KCNB2: variants seen among roughly 807,000 people sequenced by gnomAD.
KCNB2 encodes the protein delayed rectifier potassium channel protein.
KCNB2 carries 15 observed loss-of-function variants against 61.5 expected under a neutral mutation model. That is an observed-to-expected ratio of 0.24 (90% CI 0.16 to 0.38). KCNB2 has a LOEUF of 0.38. Among genes scored for constraint, KCNB2 ranks in the 10% least tolerant of loss-of-function variants. The probability of loss-of-function intolerance (pLI) is 1.00; values close to 1 mark genes in which losing one functional copy is unlikely to be tolerated. For missense variants in KCNB2, 828 were observed against 1,125.2 expected (o/e 0.74, Z 3.78); for synonymous variants, 457 against 446.0 (o/e 1.02, Z -0.31).
intron 1 of KCNB2, among the ~76,000 whole-genome samples, chr8:72,560,204 A>C (rs1264058004): frequency 1.3e-5 from 2 of 152,210 alleles, no homozygotes; most frequent in Non-Finnish European, 2.9e-5. Flanking sequence ...TTACTACTAA[A>C]CATTTCAGAC....
At chr8:72,793,374 A>G (rs576876699) in intron 2 of KCNB2, among the ~76,000 whole-genome samples, 36 of 152,228 alleles carry the variant, frequency 2.4e-4, no homozygotes, top group Non-Finnish European at 2.8e-4. Context: ...AATTGAGCCA[A>G]GAAACAAATG....
At chr8:72,743,538 A>G (rs959598301) in intron 2 of KCNB2, among the ~76,000 whole-genome samples, 6 of 152,354 alleles carry the variant, frequency 3.9e-5, no homozygotes, top group Admixed American at 3.9e-4. Flanking sequence ...GATCGCAGCT[A>G]GTTAAATTTA....
At chr8:72,713,682 A>G (rs1172388034) in intron 2 of KCNB2, among the ~76,000 whole-genome samples, 1 of 152,166 alleles carries the variant, frequency 6.6e-6, no homozygotes, top group Non-Finnish European at 1.5e-5. Flanking sequence ...TCAAAGACCA[A>G]AGGTAGATAA....
At chr8:72,847,012 G>A (rs1365271989) in intron 2 of KCNB2, among the ~76,000 whole-genome samples, 2 of 152,138 alleles carry the variant, frequency 1.3e-5, no homozygotes, top group African/African-American at 4.8e-5. Context: ...CAACCCAAAT[G>A]TCCATCAATG....
At chr8:72,902,707 C>A (rs1160369642) in intron 2 of KCNB2, among the ~76,000 whole-genome samples, 1 of 152,084 alleles carries the variant, frequency 6.6e-6, no homozygotes, top group African/African-American at 2.4e-5. Context: ...GGGACTTATT[C>A]AGCTTTTAGG....
intron 2 of KCNB2, among the ~76,000 whole-genome samples, chr8:72,887,620 G>T (rs1805828219): frequency 6.6e-6 from 1 of 152,218 alleles, no homozygotes; most frequent in South Asian, 2.1e-4. Context: ...CAGTTTCTCA[G>T]GAGAAGGCTT....
intron 2 of KCNB2, among the ~76,000 whole-genome samples, chr8:72,765,547 TTG>T (rs965708759): frequency 2.0e-5 from 3 of 152,204 alleles, no homozygotes; most frequent in Non-Finnish European, 4.4e-5. Context: ...CAAATTTAAA[TTG>T]TGTGTGTTGT....
At chr8:72,599,155 A>G (rs183624447) in intron 2 of KCNB2, among the ~76,000 whole-genome samples, 1 of 152,186 alleles carries the variant, frequency 6.6e-6, no homozygotes, top group Non-Finnish European at 1.5e-5. Flanking sequence ...ATCCTAAGCC[A>G]AAAGAACAAA....
At chr8:72,623,886 G>T (rs1181056972) in intron 2 of KCNB2, among the ~76,000 whole-genome samples, 1 of 152,110 alleles carries the variant, frequency 6.6e-6, no homozygotes, top group Non-Finnish European at 1.5e-5. Flanking sequence ...GGCTCTCATT[G>T]GTACAAATGT....
At chr8:72,848,353 G>T (rs545705609) in intron 2 of KCNB2, among the ~76,000 whole-genome samples, 1 of 152,164 alleles carries the variant, frequency 6.6e-6, no homozygotes, top group Admixed American at 6.5e-5. Context: ...CTTTACAGCA[G>T]TGTTTTTAAA....
chr8:72,583,197 G>A (rs1250125833), intron 2 of KCNB2, among the ~76,000 whole-genome samples: 1 of 151,962 alleles, frequency 6.6e-6, no homozygotes, highest in Non-Finnish European at 1.5e-5. Context: ...CTTACTGATG[G>A]GATTCTCTAA....
chr8:72,581,668 A>T (rs1418791796), intron 2 of KCNB2, among the ~76,000 whole-genome samples: 1 of 152,190 alleles, frequency 6.6e-6, no homozygotes, highest in Non-Finnish European at 1.5e-5. Flanking sequence ...CTGGTTTTAA[A>T]TGGTTGTACG....
intron 2 of KCNB2, among the ~76,000 whole-genome samples, chr8:72,670,455 G>A (rs1027575107): frequency 3.3e-5 from 5 of 152,106 alleles, no homozygotes; most frequent in African/African-American, 1.2e-4. Context: ...AAGATTTCAT[G>A]GGAACAGTCT....
intron 2 of KCNB2, among the ~76,000 whole-genome samples, chr8:72,573,574 G>A (rs1806747432): frequency 6.6e-6 from 1 of 151,934 alleles, no homozygotes; most frequent in Admixed American, 6.6e-5. Context: ...GCCCCTCTGT[G>A]TGCCGTGCAG....
At chr8:72,929,769 G>T (rs1203625668) in intron 2 of KCNB2, among the ~76,000 whole-genome samples, 1 of 152,044 alleles carries the variant, frequency 6.6e-6, no homozygotes, top group African/African-American at 2.4e-5. Context: ...TCACTTCCCT[G>T]GCCGTATACA....
intron 2 of KCNB2, among the ~76,000 whole-genome samples, chr8:72,760,278 A>G (rs1178493399): frequency 1.3e-5 from 2 of 152,174 alleles, no homozygotes; most frequent in Admixed American, 6.5e-5. Context: ...GAGGACAATA[A>G]TAACTACCTA....
chr8:72,679,147 T>C (rs1806710749), intron 2 of KCNB2, among the ~76,000 whole-genome samples: 1 of 152,210 alleles, frequency 6.6e-6, no homozygotes, highest in Non-Finnish European at 1.5e-5. Context: ...AGGTTTGCTT[T>C]AAGGGGATTT....
intron 2 of KCNB2, among the ~76,000 whole-genome samples, chr8:72,706,283 G>A (rs1807222276): frequency 6.6e-6 from 1 of 152,184 alleles, no homozygotes; most frequent in South Asian, 2.1e-4. Flanking sequence ...AATAATTGTA[G>A]CACTGTTCTA....
rs751753105 is a variant in KCNB2, at chr8:72,735,167, G to A, written c.579+166854G>A. Among the ~76,000 whole-genome samples, 33 of 152,122 alleles carry A rather than the reference G, an allele frequency of 2.2e-4. 1 individual carries two copies. The South Asian group carries it at 6.0e-3, about 28-fold the overall frequency. ...TAAATCACAGACTCCCCAATCCACC[G>A]TCTTCACAATTCTAAATGGCATCCA... On this transcript the variant is annotated intron_variant, in intron 2 of 2. Coordinates refer to ENST00000523207, the MANE Select transcript of KCNB2 (RefSeq NM_004770.3).
Sources: gnomAD v4.1 joint callset for allele counts (sites outside exome capture counted in the v4.1 genomes callset) on GRCh38, gnomAD v4.1.1 for gene constraint, MANE v1.5 for transcripts, NCBI Gene and HGNC (gene_info 2026-07-23, HGNC 2026-07-21) for gene names.